HNRNPC: variants seen among roughly 807,000 people sequenced by gnomAD.
The protein encoded by HNRNPC is heterogeneous nuclear ribonucleoprotein C, also known as heterogeneous nuclear ribonucleoproteins C1/C2.
In HNRNPC, 3 loss-of-function variants were observed where a neutral mutation model predicts 33.2. That is an observed-to-expected ratio of 0.09 (90% CI 0.04 to 0.23). The LOEUF is 0.23. Ranked by LOEUF, HNRNPC falls within the 10% of genes least tolerant of loss-of-function variation. HNRNPC has a pLI of 1.00. For synonymous variants in HNRNPC, 121 were observed against 126.7 expected (o/e 0.96, Z 0.30); for missense variants, 143 against 366.7 (o/e 0.39, Z 4.98).
At chr14:21,243,932 CAG>C (rs1209246305) in intron 2 of HNRNPC, among the ~76,000 whole-genome samples, 2 of 151,486 alleles carry the variant, frequency 1.3e-5, no homozygotes, top group East Asian at 1.9e-4. Context: ...CTACATAAGA[CAG>C]AGAACAAAAC....
chr14:21,237,794 T>A (rs767114553), intron 2 of HNRNPC, among the ~76,000 whole-genome samples: 1 of 152,124 alleles, frequency 6.6e-6, no homozygotes, highest in South Asian at 2.1e-4. Context: ...TTTTTTTGAG[T>A]TGGAGTTTCA....
In HNRNPC at chr14:21,210,959, T is replaced by C. The variant is rs200418652; in HGVS notation, c.*264A>G. The C allele has an allele frequency of 2.1e-6, 1 of 487,626 alleles. No individual in the cohort carries two copies. The highest frequency in any genetic ancestry group is 3.7e-6 in the Non-Finnish European group (1 of 273,652). The allele number at this position is 487,626 out of a possible 1,614,324, so 30.2% of individuals were successfully genotyped here. A position where few individuals can be genotyped will look rare whatever the true frequency, so the allele number is the denominator to read the frequency against. ...TGATAAAAACCATACATCCTTTTTA[T>C]TGTTAAGTCATAAAGAGGTATCAAA... is the stretch of plus-strand genomic sequence containing the variant. On this transcript the variant is annotated 3_prime_UTR_variant, in exon 9 of 9. Transcript: ENST00000553300.
At chr14:21,245,104 A>AG (rs1895821387) in intron 2 of HNRNPC, among the ~76,000 whole-genome samples, 1 of 150,536 alleles carries the variant, frequency 6.6e-6, no homozygotes, top group Non-Finnish European at 1.5e-5. Flanking sequence ...AAAAAAAAAA[A>AG]AAGCAAAAGA....
At chr14:21,268,756 G>A (rs929605859) in intron 1 of HNRNPC, 1 of 152,250 alleles carries the variant, frequency 6.6e-6, no homozygotes, top group African/African-American at 2.4e-5. Flanking sequence ...ACTACTTCGA[G>A]CTCCATCATT....
chr14:21,246,156 A>G (rs1448768204), intron 2 of HNRNPC, among the ~76,000 whole-genome samples: 1 of 152,048 alleles, frequency 6.6e-6, no homozygotes, highest in Non-Finnish European at 1.5e-5. Flanking sequence ...GCCATAATAT[A>G]TGTGGTCTGT....
intron 2 of HNRNPC, among the ~76,000 whole-genome samples, chr14:21,253,131 AC>A (rs796340129): frequency 3.4e-5 from 5 of 148,366 alleles, no homozygotes; most frequent in African/African-American, 1.2e-4. Context: ...CCGGGATCGC[AC>A]CACTGCACTC....
rs147938335 is a variant in HNRNPC at position 21,245,906 on chromosome 14, C to T, written c.-36-11677G>A. ...TGTCACTAAGGCTGGAGTGCAGTGG[C>T]GCAGTCTCAGTTCACTACAACCTCC... is the stretch of plus-strand genomic sequence containing the variant. On this transcript the variant is annotated intron_variant, in intron 2 of 8. Transcript: ENST00000553300. Among the ~76,000 whole-genome samples the T allele has an allele frequency of 2.7e-3, 408 of 152,008 alleles. 4 individuals carry two copies. The highest frequency in any genetic ancestry group is 9.2e-3 in the African/African-American group (382 of 41,434).
intron 2 of HNRNPC, among the ~76,000 whole-genome samples, chr14:21,253,743 T>C (rs1594311752): frequency 6.6e-6 from 1 of 152,116 alleles, no homozygotes; most frequent in African/African-American, 2.4e-5. Flanking sequence ...CTAAACTTAT[T>C]AGCTTCTGGA....
At chr14:21,229,655 A>G (rs1327259624) in intron 5 of HNRNPC, among the ~76,000 whole-genome samples, 1 of 152,178 alleles carries the variant, frequency 6.6e-6, no homozygotes, top group Admixed American at 6.5e-5. Flanking sequence ...TACAACTCCC[A>G]TGCATGACTG....
intron 5 of HNRNPC, among the ~76,000 whole-genome samples, chr14:21,225,608 G>A (rs1893335579): frequency 1.3e-5 from 2 of 152,160 alleles, no homozygotes. Flanking sequence ...AGCACCAGAC[G>A]GGTTTCATCT....
intron 5 of HNRNPC, among the ~76,000 whole-genome samples, chr14:21,219,108 CAA>C (rs555837563): frequency 2.1e-4 from 20 of 96,374 alleles, no homozygotes; most frequent in Admixed American, 7.9e-4. Flanking sequence ...GACTCTTTCT[CAA>C]AAAAAAAAAA....
chr14:21,222,772 T>TA (rs998789003), intron 5 of HNRNPC, among the ~76,000 whole-genome samples: 3 of 152,012 alleles, frequency 2.0e-5, no homozygotes, highest in Non-Finnish European at 4.4e-5. Context: ...CAGGCGCCTG[T>TA]AGTCCCAGCT....
At chr14:21,214,193 C>T (rs191580401) in intron 5 of HNRNPC, among the ~76,000 whole-genome samples, 27 of 152,336 alleles carry the variant, frequency 1.8e-4, no homozygotes, top group African/African-American at 6.5e-4. Context: ...CACCTACCAA[C>T]TGTTCTAACT....
chr14:21,263,381 G>A (rs1878512637), intron 1 of HNRNPC, 45 bp from the exon 2 acceptor site: 1 of 152,500 alleles, frequency 6.6e-6, no homozygotes, highest in African/African-American at 2.4e-5. Context: ...AGAAAAACGG[G>A]AGGTGCAAAA....
At chr14:21,247,148 T>C (rs1896067974) in intron 2 of HNRNPC, among the ~76,000 whole-genome samples, 1 of 152,212 alleles carries the variant, frequency 6.6e-6, no homozygotes, top group Non-Finnish European at 1.5e-5. Flanking sequence ...AGAATCCTTA[T>C]TTATCAATGT....
intron 5 of HNRNPC, among the ~76,000 whole-genome samples, chr14:21,222,401 G>A (rs61979500): frequency 0.017 from 2,584 of 151,532 alleles, 33 homozygotes; most frequent in Non-Finnish European, 0.028. Context: ...TTTCCTGTAC[G>A]GATTTGCCTA....
chr14:21,224,768 A>C (rs1329199080), intron 5 of HNRNPC, among the ~76,000 whole-genome samples: 3 of 152,090 alleles, frequency 2.0e-5, no homozygotes, highest in African/African-American at 7.3e-5. Context: ...CTCCTCAAAC[A>C]CATCAAGGCC....
At chr14:21,268,082 G>C (rs1879313937) in intron 1 of HNRNPC, among the ~76,000 whole-genome samples, 2 of 152,136 alleles carry the variant, frequency 1.3e-5, no homozygotes. Flanking sequence ...GAGATTAACA[G>C]ATTGTGAAAA....
chr14:21,218,176 T>G (rs766301384), intron 5 of HNRNPC, among the ~76,000 whole-genome samples: 4 of 152,158 alleles, frequency 2.6e-5, no homozygotes, highest in Admixed American at 6.6e-5. Flanking sequence ...TTAGCCAGGC[T>G]GGTCATGAGC....
Sources: gnomAD v4.1 joint callset for allele counts (sites outside exome capture counted in the v4.1 genomes callset) on GRCh38, gnomAD v4.1.1 for gene constraint, MANE v1.5 for transcripts, NCBI Gene and HGNC (gene_info 2026-07-23, HGNC 2026-07-21) for gene names.